AHRR: variants seen among roughly 807,000 people sequenced by gnomAD.
The protein encoded by AHRR is aryl hydrocarbon receptor repressor.
In AHRR, 28 loss-of-function variants were observed where a neutral mutation model predicts 44.0. The ratio of observed to expected loss-of-function variants is 0.64; its 90% CI spans 0.47 to 0.87. The LOEUF (loss-of-function observed/expected upper bound fraction) is 0.87. Ranked by LOEUF, AHRR falls within the 40% of genes least tolerant of loss-of-function variation. The probability of loss-of-function intolerance (pLI) is 0.00; values close to 1 mark genes in which losing one functional copy is unlikely to be tolerated. For missense variants in AHRR, 990 were observed against 953.9 expected, an observed-to-expected ratio of 1.04 and a Z score of -0.50; for synonymous variants, 434 against 407.0, an observed-to-expected ratio of 1.07 and a Z score of -0.80.
At position 419,963 on chromosome 5, in the gene AHRR, C is replaced by T. The variant is rs1339549900; in HGVS notation, c.442-2766C>T. Among the ~76,000 whole-genome samples, 3 of 152,148 alleles carry T rather than the reference C, an allele frequency of 2.0e-5. No homozygotes were observed. Among genetic ancestry groups the T allele is most frequent in the Non-Finnish European group, 4.4e-5 (3 of 68,026 alleles). ...GAACTCCGAAAGGTTCCTTGTGGAT[C>T]CCCTTTTCTGGCCATCGGGATGTGG... On this transcript the variant is annotated intron_variant, in intron 5 of 10. Coordinates refer to ENST00000684583, the MANE Select transcript of AHRR (RefSeq NM_001377236.1). This position sits in a 1 kb window ranked among gnomAD's most constrained non-coding sequence, Gnocchi z 4.4.
intron 3 of AHRR, among the ~76,000 whole-genome samples, chr5:368,423 C>A (rs185328001): frequency 1.7e-4 from 25 of 147,724 alleles, no homozygotes; most frequent in African/African-American, 6.5e-4. Flanking sequence ...GGTTGTTAAA[C>A]AGCACCAGCA....
intron 9 of AHRR, 35 bp downstream of exon 9, chr5:432,559 A>T (rs767059413): frequency 2.5e-6 from 4 of 1,602,072 alleles, no homozygotes; most frequent in South Asian, 1.1e-5. Flanking sequence ...TCTTTTCCAC[A>T]TGGGTAAAAT....
chr5:360,724 G>A (rs191376048), intron 3 of AHRR, among the ~76,000 whole-genome samples: 21 of 152,296 alleles, frequency 1.4e-4, no homozygotes, highest in African/African-American at 4.6e-4. Flanking sequence ...TTGTTATAAA[G>A]TGGCAAGGAC....
intron 5 of AHRR, chr5:422,418 G>T (rs1445800914): frequency 5.0e-6 from 2 of 402,964 alleles, no homozygotes; most frequent in Non-Finnish European, 9.3e-6. Flanking sequence ...CAGGAAAGTG[G>T]ATGTCTTGGC....
intron 3 of AHRR, among the ~76,000 whole-genome samples, chr5:375,349 T>C (rs1743742091): frequency 6.6e-6 from 1 of 152,304 alleles, no homozygotes; most frequent in South Asian, 2.1e-4. Context: ...GGGCTCTTGC[T>C]GAGCAGTGGG....
At chr5:355,110 A>C (rs1292999932) in intron 3 of AHRR, among the ~76,000 whole-genome samples, 1 of 152,142 alleles carries the variant, frequency 6.6e-6, no homozygotes, top group African/African-American at 2.4e-5. Flanking sequence ...AAAACTATTA[A>C]TTTTATATTT....
chr5:400,372 C>A (rs980749969), intron 4 of AHRR, among the ~76,000 whole-genome samples: 1 of 152,196 alleles, frequency 6.6e-6, no homozygotes, highest in African/African-American at 2.4e-5. Flanking sequence ...CCAGCCCTCA[C>A]CTGCCTCGGC....
In AHRR at chr5:342,637, A is replaced by G. The variant is rs1474507791; in HGVS notation, c.-10-1256A>G. Among the ~76,000 whole-genome samples, 2 of 152,190 alleles carry G rather than the reference A, an allele frequency of 1.3e-5. No homozygotes were observed. The highest frequency in any genetic ancestry group is 2.9e-5 in the Non-Finnish European group (2 of 68,036). On this transcript the variant is annotated intron_variant, in intron 1 of 10. Coordinates refer to ENST00000684583, the MANE Select transcript of AHRR (RefSeq NM_001377236.1). This position sits in a 1 kb window ranked among gnomAD's most constrained non-coding sequence, Gnocchi z 4.3. ...GTGAGTCTGCCTCCTCTTCCAGGCT[A>G]CACTCACTTCAGGTCAGGTGAGGGC...
chr5:380,775 A>G (rs1022828455), intron 4 of AHRR, among the ~76,000 whole-genome samples: 4 of 152,236 alleles, frequency 2.6e-5, no homozygotes, highest in Admixed American at 6.5e-5. Flanking sequence ...CTCCAGAGAT[A>G]CAAAACCAAT....
rs1303603479 is a variant in AHRR, at chr5:371,598, C to A, written c.245-5012C>A. Among the ~76,000 whole-genome samples, 6 of 152,170 alleles carry A rather than the reference C, an allele frequency of 3.9e-5. No homozygotes were observed. In the South Asian group the frequency reaches 1.2e-3, roughly 32 times the overall value. ...CCCATAGTAGGACTGAGCATCTGGG[C>A]CCACCTGTCCTAGACCCACCTGTCC... On this transcript the variant is annotated intron_variant, in intron 3 of 10. Transcript: ENST00000684583.
rs546198092 is a variant in AHRR at position 389,621 on chromosome 5, C to G, written c.351+12905C>G. Among the ~76,000 whole-genome samples the G allele has an allele frequency of 5.9e-5, 9 of 151,958 alleles. No homozygotes were observed. In the South Asian group the frequency reaches 1.9e-3, roughly 32 times the overall value. ...GGTGGCAGCTGGGAGCCCTGGACAC[C>G]GAGCCCGGGCCCTTCCCCCAGACCA... On this transcript the variant is annotated intron_variant, in intron 4 of 10. Transcript: ENST00000684583.
Position 391,373 on chromosome 5 carries a change from T to TGCAC in AHRR, c.351+14658_351+14659insCACG, listed in dbSNP as rs1560904212. ...GGGCGAGGCAGGGCCAGAGCGTGCA[T>TGCAC]GGGCGCAGGGCGAGGAGGGCGCAGG... On this transcript the variant is annotated intron_variant, in intron 4 of 10. Transcript: ENST00000684583. Among the ~76,000 whole-genome samples the TGCAC allele has an allele frequency of 7.4e-4, 52 of 70,446 alleles. 1 individual carries two copies. The highest frequency in any genetic ancestry group is 8.2e-4 in the Non-Finnish European group (31 of 37,720). The allele number at this position is 70,446 out of a possible 152,430, so 46.2% of individuals were successfully genotyped here.
chr5:400,124 C>T (rs80318212), intron 4 of AHRR, among the ~76,000 whole-genome samples: 3 of 152,170 alleles, frequency 2.0e-5, no homozygotes, highest in Non-Finnish European at 2.9e-5. Context: ...GCACAATACT[C>T]CCAACTTCCC....
chr5:379,966 T>C (rs937335521), intron 4 of AHRR, among the ~76,000 whole-genome samples: 6 of 152,244 alleles, frequency 3.9e-5, no homozygotes, highest in African/African-American at 1.4e-4. Context: ...TTTCATATGT[T>C]ACATTCTGGT....
rs943619628 is a variant in AHRR, at chr5:419,836, C to T, written c.442-2893C>T. On this transcript the variant is annotated intron_variant, in intron 5 of 10. Transcript: ENST00000684583. The surrounding 1 kb of genome is among the most constrained non-coding windows in gnomAD (Gnocchi z 4.4). ...GTCTCTAATTTAGAAGGGGGAAGAC[C>T]CAGGTTTCTGGGTCTTTGTTTCCTT... 6.6e-6 allele frequency among the ~76,000 whole-genome samples: 1 copy of T among 152,096 alleles called. No homozygotes were observed. The highest frequency in any genetic ancestry group is 1.5e-5 in the Non-Finnish European group (1 of 68,010).
At chr5:374,872 G>A (rs1015034789) in intron 3 of AHRR, among the ~76,000 whole-genome samples, 4 of 152,248 alleles carry the variant, frequency 2.6e-5, no homozygotes, top group African/African-American at 9.6e-5. Context: ...CCGGTTCCGG[G>A]GTCCTGGCCT....
chr5:376,464 G>A (rs1733646278), intron 3 of AHRR, 146 bp from the exon 4 acceptor site: 2 of 14,322 alleles, frequency 1.4e-4, no homozygotes, highest in African/African-American at 9.7e-5. Context: ...ATGCTGCGTG[G>A]CCTGCAGAGG....
intron 5 of AHRR, among the ~76,000 whole-genome samples, chr5:415,643 T>TCGGGTGGGAGGCCTA (rs1735754805): frequency 6.9e-6 from 1 of 145,962 alleles, no homozygotes; most frequent in African/African-American, 2.6e-5. Flanking sequence ...ATCTGCCTGG[T>TCGGGTGGGAGGCCTA]GGGGCGGGAG....
chr5:353,052 A>G (rs761842124), intron 2 of AHRR, among the ~76,000 whole-genome samples: 9 of 152,100 alleles, frequency 5.9e-5, no homozygotes, highest in Non-Finnish European at 1.2e-4. Flanking sequence ...GTGGTGTGGA[A>G]GCCCCACAGG....
Sources: gnomAD v4.1 joint callset for allele counts (sites outside exome capture counted in the v4.1 genomes callset) on GRCh38, gnomAD v4.1.1 for gene constraint, Gnocchi (gnomAD v3.1) non-coding constraint, MANE v1.5 for transcripts, NCBI Gene and HGNC (gene_info 2026-07-23, HGNC 2026-07-21) for gene names.